Variants in RNGTT observed in about 807,000 individuals in gnomAD.
The protein encoded by RNGTT is RNA guanylyltransferase and 5'-phosphatase.
A neutral mutation model predicts 79.3 loss-of-function variants in RNGTT; 33 were observed. That is an observed-to-expected ratio of 0.42 (90% CI 0.32 to 0.56). The LOEUF (loss-of-function observed/expected upper bound fraction) is 0.56, where lower values mean the gene tolerates loss of function less well. Among genes scored for constraint, RNGTT ranks in the 20% least tolerant of loss-of-function variants. The pLI, the probability that RNGTT is intolerant of heterozygous loss-of-function variation, is 0.17. For synonymous variants in RNGTT, 222 were observed against 235.9 expected, an observed-to-expected ratio of 0.94 and a Z score of 0.54; for missense variants, 497 against 739.1, an observed-to-expected ratio of 0.67 and a Z score of 3.80.
At chr6:88,672,469 CTG>C (rs1774690412) in intron 14 of RNGTT, among the ~76,000 whole-genome samples, 1 of 152,124 alleles carries the variant, frequency 6.6e-6, no homozygotes, top group Non-Finnish European at 1.5e-5. Context: ...AAACCAAACA[CTG>C]TATGTTCTCA....
intron 13 of RNGTT, among the ~76,000 whole-genome samples, chr6:88,765,898 T>C (rs1160847768): frequency 1.3e-5 from 2 of 152,178 alleles, no homozygotes; most frequent in Non-Finnish European, 2.9e-5. Flanking sequence ...TAAAGATATA[T>C]GCATTTTAAA....
chr6:88,906,880 CA>C (rs761287446), intron 4 of RNGTT, among the ~76,000 whole-genome samples: 12 of 152,038 alleles, frequency 7.9e-5, no homozygotes, highest in Non-Finnish European at 1.5e-4. Context: ...GCAAAATAGT[CA>C]AATCCTATTT....
intron 13 of RNGTT, among the ~76,000 whole-genome samples, chr6:88,719,668 T>C (rs565613015): frequency 6.6e-6 from 1 of 152,218 alleles, no homozygotes; most frequent in Non-Finnish European, 1.5e-5. Flanking sequence ...AATTTAAATT[T>C]TATCTATATT....
intron 4 of RNGTT, among the ~76,000 whole-genome samples, chr6:88,907,650 T>C (rs540074672): frequency 1.3e-5 from 2 of 152,250 alleles, no homozygotes; most frequent in South Asian, 2.1e-4. Context: ...CATGACAATA[T>C]TGCTGACTCT....
chr6:88,926,744 T>TC (rs1341428164), intron 4 of RNGTT, among the ~76,000 whole-genome samples: 1 of 152,152 alleles, frequency 6.6e-6, no homozygotes, highest in Non-Finnish European at 1.5e-5. Context: ...CTTTTCCAAG[T>TC]CTCAGTTTAA....
At chr6:88,926,163 C>T (rs1299692026) in intron 4 of RNGTT, among the ~76,000 whole-genome samples, 1 of 152,118 alleles carries the variant, frequency 6.6e-6, no homozygotes, top group Non-Finnish European at 1.5e-5. Flanking sequence ...ACCTAAAATT[C>T]ACTTATTATG....
intron 14 of RNGTT, among the ~76,000 whole-genome samples, chr6:88,651,181 G>T (rs1427394609): frequency 6.6e-6 from 1 of 151,886 alleles, no homozygotes; most frequent in Non-Finnish European, 1.5e-5. Flanking sequence ...ACATCCCTTT[G>T]GTCAAGTCAC....
chr6:88,764,210 T>C (rs1778368747), intron 13 of RNGTT, among the ~76,000 whole-genome samples: 2 of 152,244 alleles, frequency 1.3e-5, no homozygotes, highest in Admixed American at 1.3e-4. Flanking sequence ...CAAGACTTTT[T>C]CATCTCTTCA....
chr6:88,834,852 AATAC>A (rs971175475), intron 11 of RNGTT, among the ~76,000 whole-genome samples: 7 of 71,842 alleles, frequency 9.7e-5, no homozygotes, highest in Non-Finnish European at 1.9e-4. Context: ...TGCCAAATGA[AATAC>A]ATAAACATAA....
intron 13 of RNGTT, among the ~76,000 whole-genome samples, chr6:88,742,384 TA>T (rs1777522091): frequency 6.6e-6 from 1 of 152,200 alleles, no homozygotes; most frequent in Non-Finnish European, 1.5e-5. Context: ...TTAAAAGACC[TA>T]AAACAACTAG....
rs145046348 is a variant in RNGTT, at chr6:88,958,275, A to G, written c.64+5071T>C. Among the ~76,000 whole-genome samples, 519 of 152,380 alleles carry G rather than the reference A, an allele frequency of 3.4e-3. 4 individuals carry two copies. The highest frequency in any genetic ancestry group is 0.012 in the African/African-American group (496 of 41,600). ...TCTGAAACCATAAAAATTCTAGAAG[A>G]TAACATTGGAAAAAACTCTTCTAGA... On this transcript the variant is annotated intron_variant, in intron 1 of 15. Transcript: ENST00000369485.
intron 12 of RNGTT, among the ~76,000 whole-genome samples, chr6:88,777,692 T>G (rs1209886856): frequency 6.6e-6 from 1 of 152,192 alleles, no homozygotes; most frequent in East Asian, 1.9e-4. Context: ...AACAGGTTTT[T>G]TTGATGTAAC....
At chr6:88,635,510 A>T (rs973071865) in intron 14 of RNGTT, among the ~76,000 whole-genome samples, 4 of 152,066 alleles carry the variant, frequency 2.6e-5, no homozygotes, top group African/African-American at 9.7e-5. Flanking sequence ...TGACAGATTC[A>T]GGAACAGAAT....
At chr6:88,932,954 A>G (rs1410464938) in intron 2 of RNGTT, among the ~76,000 whole-genome samples, 1 of 152,108 alleles carries the variant, frequency 6.6e-6, no homozygotes, top group African/African-American at 2.4e-5. Flanking sequence ...GGTTGTTTCA[A>G]TCCCCAAATT....
At chr6:88,932,992 C>A (rs1308858142) in intron 2 of RNGTT, among the ~76,000 whole-genome samples, 1 of 152,028 alleles carries the variant, frequency 6.6e-6, no homozygotes, top group African/African-American at 2.4e-5. Flanking sequence ...TCTTTATTTT[C>A]TCTCCTATCA....
chr6:88,623,766 A>G (rs1432262056), intron 14 of RNGTT, among the ~76,000 whole-genome samples: 1 of 152,124 alleles, frequency 6.6e-6, no homozygotes, highest in Non-Finnish European at 1.5e-5. Flanking sequence ...CTACCGGTTG[A>G]AAAGGAAGAA....
intron 6 of RNGTT, among the ~76,000 whole-genome samples, chr6:88,903,318 A>T (rs1332581251): frequency 1.3e-5 from 2 of 152,170 alleles, no homozygotes; most frequent in Admixed American, 1.3e-4. Flanking sequence ...CTGGGCTGCC[A>T]CTAGTGAGCC....
chr6:88,811,100 TAAA>T (rs1349501766), intron 11 of RNGTT, among the ~76,000 whole-genome samples: 1 of 152,172 alleles, frequency 6.6e-6, no homozygotes, highest in East Asian at 1.9e-4. Context: ...TTCTAACAAA[TAAA>T]AGAATCTTAA....
At chr6:88,765,245 T>A (rs1379936986) in intron 13 of RNGTT, among the ~76,000 whole-genome samples, 2 of 152,082 alleles carry the variant, frequency 1.3e-5, no homozygotes, top group Non-Finnish European at 2.9e-5. Flanking sequence ...GTATATTTTT[T>A]ATTAGAAGGA....
Sources: gnomAD v4.1 joint callset for allele counts (sites outside exome capture counted in the v4.1 genomes callset) on GRCh38, gnomAD v4.1.1 for gene constraint, MANE v1.5 for transcripts, NCBI Gene and HGNC (gene_info 2026-07-23, HGNC 2026-07-21) for gene names.